PTK2: variants seen among roughly 807,000 people sequenced by gnomAD.
PTK2 encodes the protein protein tyrosine kinase 2.
In PTK2, 45 loss-of-function variants were observed where a neutral mutation model predicts 150.1. The ratio of observed to expected loss-of-function variants is 0.30; its 90% CI spans 0.24 to 0.38. The LOEUF is 0.38. PTK2 is among the 10% of genes least tolerant of loss of function. The probability of loss-of-function intolerance (pLI) is 1.00; values close to 1 mark genes in which losing one functional copy is unlikely to be tolerated. For synonymous variants in PTK2, 432 were observed against 449.2 expected (o/e 0.96, Z 0.48); for missense variants, 919 against 1,307.3 (o/e 0.70, Z 4.58).
intron 2 of PTK2, among the ~76,000 whole-genome samples, chr8:140,902,929 T>G (rs1389072980): frequency 4.4e-5 from 3 of 68,392 alleles, no homozygotes; most frequent in Non-Finnish European, 7.3e-5. Context: ...GAGTTGTTTT[T>G]TTTTTTTTTT....
intron 22 of PTK2, among the ~76,000 whole-genome samples, chr8:140,729,265 A>G (rs961771343): frequency 3.3e-5 from 5 of 152,196 alleles, no homozygotes; most frequent in African/African-American, 1.2e-4. Context: ...CAAAAACTCC[A>G]AACAAAAACT....
At chr8:140,872,639 C>T (rs1230359004) in intron 4 of PTK2, among the ~76,000 whole-genome samples, 1 of 152,196 alleles carries the variant, frequency 6.6e-6, no homozygotes, top group African/African-American at 2.4e-5. Flanking sequence ...ACAGAAGTTC[C>T]CCTGGAGCCT....
At chr8:140,746,910 T>TG in intron 17 of PTK2, 50 bp from the exon 21 acceptor site, 1 of 1,091,906 alleles carries the variant, frequency 9.2e-7, no homozygotes. Flanking sequence ...TTTTTTTTTT[T>TG]AGACGGAGTC....
intron 9 of PTK2, among the ~76,000 whole-genome samples, 177 bp from the exon 10 acceptor site, chr8:140,818,531 C>T (rs930779735): frequency 2.0e-5 from 3 of 152,152 alleles, no homozygotes; most frequent in African/African-American, 7.2e-5. Flanking sequence ...ATGTGTTAAG[C>T]CTGCACAAAG....
chr8:140,665,715 T>A (rs2090529088), intron 30 of PTK2, among the ~76,000 whole-genome samples: 1 of 152,202 alleles, frequency 6.6e-6, no homozygotes, highest in Non-Finnish European at 1.5e-5. Context: ...TAGTTACTTA[T>A]AATTGGATCA....
At chr8:140,988,606 G>A (rs955234926) in intron 1 of PTK2, among the ~76,000 whole-genome samples, 3 of 152,102 alleles carry the variant, frequency 2.0e-5, no homozygotes, top group East Asian at 1.9e-4. Context: ...GTGGGCGCCC[G>A]TAGCCCCAGC....
chr8:140,913,421 G>A (rs891418625), intron 2 of PTK2, among the ~76,000 whole-genome samples: 1 of 151,124 alleles, frequency 6.6e-6, no homozygotes, highest in African/African-American at 2.4e-5. Context: ...TCAGCCTCCT[G>A]AGTAGCTGGG....
intron 2 of PTK2, among the ~76,000 whole-genome samples, chr8:140,896,002 C>T (rs984375080): frequency 6.6e-6 from 1 of 151,888 alleles, no homozygotes; most frequent in Non-Finnish European, 1.5e-5. Context: ...GAAAAACTAG[C>T]AACATCAAAA....
At position 140,676,331 on chromosome 8, in the gene PTK2, G is replaced by A. The variant is rs373607277; in HGVS notation, c.2563-832C>T. Among the ~76,000 whole-genome samples the A allele has an allele frequency of 5.3e-5, 8 of 151,964 alleles. No homozygotes were observed. In the East Asian group the frequency reaches 5.8e-4, roughly 11 times the overall value. The stretch of plus-strand genomic sequence containing the variant: ...GCAGAGGTTGCAGTGAGCCAAGATC[G>A]TGCTACTGCACTCCAGCCTGGGCAA... On this transcript the variant is annotated intron_variant, in intron 27 of 31. Transcript: ENST00000522684.
intron 1 of PTK2, among the ~76,000 whole-genome samples, chr8:140,958,844 T>C (rs902785061): frequency 6.6e-6 from 1 of 152,254 alleles, no homozygotes; most frequent in Non-Finnish European, 1.5e-5. Context: ...TATATTTCTA[T>C]TAAACACCGT....
exon 22 of PTK2, chr8:140,735,311 T>C: frequency 6.2e-7 from 1 of 1,614,124 alleles, no homozygotes; most frequent in Non-Finnish European, 8.5e-7. Flanking sequence ...GGCCCAGCAT[T>C]TCGTCATAAG....
At position 140,800,583 on chromosome 8, in the gene PTK2, G is replaced by C. The variant is rs2100094464; in HGVS notation, c.976-7C>G. On this transcript the variant is annotated splice_region_variant and splice_polypyrimidine_tract_variant and intron_variant, in intron 11 of 31. Transcript: ENST00000522684. ...GTGCCGTCACTGTCAGAGGCTAACGGAGAAAAGATCAAGAAAACAGACTTC... is the reference window on the plus strand; with the variant it reads ...GTGCCGTCACTGTCAGAGGCTAACGCAGAAAAGATCAAGAAAACAGACTTC... The C allele has an allele frequency of 1.9e-6, 3 of 1,604,948 alleles. No individual in the cohort carries two copies. The East Asian group carries it at 6.7e-5, about 36-fold the overall frequency.
intron 1 of PTK2, among the ~76,000 whole-genome samples, chr8:140,949,876 C>T (rs1269504301): frequency 6.6e-6 from 1 of 152,184 alleles, no homozygotes; most frequent in East Asian, 1.9e-4. Context: ...GTGGAGTCTA[C>T]AGCCTGGAGT....
chr8:140,858,582 C>G (rs2100134227), intron 5 of PTK2, among the ~76,000 whole-genome samples: 1 of 152,018 alleles, frequency 6.6e-6, no homozygotes, highest in Non-Finnish European at 1.5e-5. Flanking sequence ...GAGTTCTCAA[C>G]AGCAAATAAA....
At chr8:140,664,228 C>T (rs1259483887) in intron 31 of PTK2, among the ~76,000 whole-genome samples, 1 of 152,094 alleles carries the variant, frequency 6.6e-6, no homozygotes, top group Non-Finnish European at 1.5e-5. Context: ...GTGATCTGTC[C>T]GCCTCAGCCT....
chr8:140,709,784 A>G (rs1159649688), intron 23 of PTK2, among the ~76,000 whole-genome samples: 4 of 152,216 alleles, frequency 2.6e-5, no homozygotes, highest in Non-Finnish European at 1.5e-5. Flanking sequence ...AATATGGAAC[A>G]GGGAAGTTTT....
At chr8:140,803,723 T>C in intron 10 of PTK2, 73 bp from the exon 11 acceptor site, 5 of 1,370,376 alleles carry the variant, frequency 3.6e-6, no homozygotes, top group Non-Finnish European at 5.2e-6. Flanking sequence ...AAATGTTCTG[T>C]GAAATCCTCG....
intron 1 of PTK2, among the ~76,000 whole-genome samples, chr8:140,979,115 TG>T (rs1333440726): frequency 3.4e-5 from 1 of 29,552 alleles, no homozygotes; most frequent in East Asian, 1.3e-3. Context: ...TGTTGTGGGG[TG>T]GGGGGAGGGG....
chr8:140,865,669 ACAGAGTT>A (rs2100138876), intron 4 of PTK2, among the ~76,000 whole-genome samples: 1 of 152,220 alleles, frequency 6.6e-6, no homozygotes, highest in Non-Finnish European at 1.5e-5. Flanking sequence ...TTACTCTCAG[ACAGAGTT>A]CAATAACTTA....
Sources: allele counts gnomAD v4.1 joint callset (sites outside exome capture counted in the v4.1 genomes callset), GRCh38; gene constraint gnomAD v4.1.1; transcripts MANE v1.5; gene names NCBI Gene and HGNC (gene_info 2026-07-23, HGNC 2026-07-21).